MTF1: variants seen among roughly 807,000 people sequenced by gnomAD.
The protein encoded by MTF1 is MRE-binding transcription factor.
In MTF1, 22 loss-of-function variants were observed where a neutral mutation model predicts 70.4. That is an observed-to-expected ratio of 0.31 (90% confidence interval 0.22 to 0.45). MTF1 has a LOEUF of 0.45. Among genes scored for constraint, MTF1 ranks in the 20% least tolerant of loss-of-function variants. The pLI, the probability that MTF1 is intolerant of heterozygous loss-of-function variation, is 1.00. For missense variants in MTF1, 649 were observed against 922.0 expected (o/e 0.70, Z 3.83); for synonymous variants, 333 against 352.8 (o/e 0.94, Z 0.63).
intron 9 of MTF1, among the ~76,000 whole-genome samples, chr1:37,820,047 A>C (rs936363513): frequency 6.7e-5 from 10 of 150,314 alleles, no homozygotes; most frequent in Admixed American, 1.3e-4. Context: ...TCAGCACCCC[A>C]GGACAGGGCC....
chr1:37,848,434 T>C (rs1427232117), intron 2 of MTF1, among the ~76,000 whole-genome samples: 1 of 152,200 alleles, frequency 6.6e-6, no homozygotes, highest in Admixed American at 6.5e-5. Context: ...GTTGAAACTA[T>C]CCCTTTGCAC....
intron 7 of MTF1, chr1:37,828,079 C>T: frequency 3.0e-6 from 1 of 334,320 alleles, no homozygotes; most frequent in South Asian, 2.4e-5. Context: ...TGACCTGTAA[C>T]TGTATGTAAT....
chr1:37,849,429 T>TA (rs770838483), intron 2 of MTF1, among the ~76,000 whole-genome samples: 2,448 of 140,820 alleles, frequency 0.017, 21 homozygotes, highest in Middle Eastern at 0.054. Flanking sequence ...TCACCTCAAT[T>TA]AAAAAAAAAA....
At chr1:37,838,492 C>T in intron 4 of MTF1, 133 bp downstream of exon 4, 1 of 659,326 alleles carries the variant, frequency 1.5e-6, no homozygotes. Context: ...TTATAGCTGT[C>T]CTGGGGTGAG....
chr1:37,832,423 A>G (rs1440768426), intron 6 of MTF1, 101 bp from the exon 7 acceptor site: 3 of 710,648 alleles, frequency 4.2e-6, no homozygotes, highest in African/African-American at 3.6e-5. Context: ...AATGTTCCAC[A>G]TGTCTACATG....
chr1:37,825,780 T>G (rs1353109346), intron 7 of MTF1, among the ~76,000 whole-genome samples: 2 of 152,232 alleles, frequency 1.3e-5, no homozygotes, highest in African/African-American at 4.8e-5. Flanking sequence ...AAATAGTAAA[T>G]TTATTTCCTC....
intron 7 of MTF1, among the ~76,000 whole-genome samples, chr1:37,826,985 A>G (rs976680971): frequency 3.9e-5 from 6 of 152,130 alleles, no homozygotes; most frequent in Admixed American, 1.3e-4. Flanking sequence ...TCTCAAATCT[A>G]TGTGGGACAA....
intron 2 of MTF1, among the ~76,000 whole-genome samples, chr1:37,849,050 G>T (rs969168519): frequency 2.6e-5 from 4 of 152,148 alleles, no homozygotes; most frequent in African/African-American, 4.8e-5. Context: ...CACACTAAAA[G>T]AAATAACTCT....
chr1:37,844,009 T>C (rs111920109), intron 2 of MTF1, among the ~76,000 whole-genome samples: 2,672 of 152,340 alleles, frequency 0.018, 65 homozygotes, highest in African/African-American at 0.05. Context: ...GAATTCCTTA[T>C]TGAATCACTA....
chr1:37,822,435 A>C lies in MTF1; in HGVS notation c.1453T>G (p.Phe485Val). 1 of 1,613,888 alleles carries C rather than the reference A, an allele frequency of 6.2e-7. No homozygotes were observed. Among genetic ancestry groups the C allele is most frequent in the South Asian group, 1.1e-5 (1 of 91,068 alleles). ...STQFAANHQE[F>V]LPHPQAPQPI... ...TGCGGTGCCTGGGGGTGCGGAAGAA[A>C]CTCTTGATGATTAGCAGCAAACTGT... Residue 485 changes from phenylalanine to valine, a missense_variant, in exon 9 of 11, where the codon TTT becomes GTT. Physicochemically the swap from Phe to Val is conservative, Grantham distance 50. Coordinates refer to ENST00000373036, the MANE Select transcript of MTF1 (RefSeq NM_005955.3).
At position 37,815,445 on chromosome 1, in the gene MTF1, C is replaced by T. The variant is rs1640801487; in HGVS notation, c.1953G>A (p.Lys651=). ...CTGGAGGGGGTGGGGAGGAGCAGCC[C>T]TTTCTCCTGCTGGATGCCCGCTCCT... ...SAKERASSRR[K]GCSSPPPPEP... The change falls in exon 11 of 11, where the codon AAG becomes AAA. Residue 651 remains lysine (K), a synonymous_variant. Coordinates refer to ENST00000373036, the MANE Select transcript of MTF1 (RefSeq NM_005955.3). The surrounding 1 kb of genome is among the most constrained non-coding windows in gnomAD (Gnocchi z 4.5). 4 of 1,609,832 alleles carry T rather than the reference C, an allele frequency of 2.5e-6. No homozygotes were observed. The highest frequency in any genetic ancestry group is 3.4e-6 in the Non-Finnish European group (4 of 1,177,678).
At position 37,857,392 on chromosome 1, in the gene MTF1, C is replaced by T. The variant is rs756300270; in HGVS notation, c.267G>A (p.Met89Ile). The T allele has an allele frequency of 1.2e-6, 2 of 1,614,188 alleles. No individual in the cohort carries two copies. The highest frequency in any genetic ancestry group is 1.1e-5 in the South Asian group (1 of 91,088). Residue 89 changes from methionine to isoleucine, a missense_variant, in exon 2 of 11, where the codon ATG becomes ATA. By Grantham distance (10) the Met-to-Ile change is conservative. Coordinates refer to ENST00000373036, the MANE Select transcript of MTF1 (RefSeq NM_005955.3). ...EGFHLIDHEA[M>I]SQGYVQHIIS... is the part of the protein sequence containing the mutation. ...TAATGTGCTGCACATAACCCTGGGACATTGCTTCATGATCTATCAGGTGAA... is the reference window on the plus strand; with the variant it reads ...TAATGTGCTGCACATAACCCTGGGATATTGCTTCATGATCTATCAGGTGAA...
At position 37,815,471 on chromosome 1, in the gene MTF1, TTGCAGAGTCCCGGCA is replaced by T; in HGVS notation, c.1912_1926del (p.Cys638_Ala642del). ...TTTCTCCTGCTGGATGCCCGCTCCT[TTGCAGAGTCCCGGCA>T]TGCACACTGACACTGACATGCCTCT... On this transcript the variant is annotated inframe_deletion, in exon 11 of 11. Coordinates refer to ENST00000373036, the MANE Select transcript of MTF1 (RefSeq NM_005955.3). This position sits in a 1 kb window ranked among gnomAD's most constrained non-coding sequence, Gnocchi z 4.5. 6.2e-7 allele frequency: 1 copy of T among 1,600,928 alleles called. No homozygotes were observed. Among genetic ancestry groups the T allele is most frequent in the South Asian group, 1.1e-5 (1 of 89,284 alleles).
chr1:37,832,850 C>G (rs1217199450), intron 6 of MTF1, among the ~76,000 whole-genome samples: 1 of 151,688 alleles, frequency 6.6e-6, no homozygotes, highest in Admixed American at 6.6e-5. Context: ...ACTAAAAATA[C>G]AAAAAATTAG....
At chr1:37,856,417 GC>G (rs1159357118) in intron 2 of MTF1, among the ~76,000 whole-genome samples, 2 of 150,532 alleles carry the variant, frequency 1.3e-5, no homozygotes, top group Non-Finnish European at 3.0e-5. Context: ...TGATCCACCT[GC>G]CTCGGCCTCC....
intron 9 of MTF1, among the ~76,000 whole-genome samples, chr1:37,821,008 G>A (rs60352999): frequency 2.6e-5 from 4 of 152,116 alleles, no homozygotes; most frequent in South Asian, 4.2e-4. Context: ...GCGAAACCCC[G>A]TCTCTACAAA....
At chr1:37,835,354 C>T in intron 5 of MTF1, 139 bp from the exon 6 acceptor site, 1 of 714,640 alleles carries the variant, frequency 1.4e-6, no homozygotes, top group Non-Finnish European at 2.4e-6. Context: ...ATAAATTACA[C>T]ATTAATCATC....
At chr1:37,824,739 T>C (rs1640975455) in intron 7 of MTF1, among the ~76,000 whole-genome samples, 1 of 152,156 alleles carries the variant, frequency 6.6e-6, no homozygotes, top group Admixed American at 6.5e-5. Context: ...CCCTGCAACT[T>C]GCTTTCCTCA....
Position 37,838,626 on chromosome 1 carries a change from G to A in MTF1, c.778C>T (p.Arg260Trp), listed in dbSNP as rs1641206067. ...IRTHTGEKPF[R>W]CDHDGCGKAF... ...CAAATAGAAAACAGTAAGACCTACCGAAATGGCTTTTCCCCTGTATGAGTT... is the reference window on the plus strand; with the variant it reads ...CAAATAGAAAACAGTAAGACCTACCAAAATGGCTTTTCCCCTGTATGAGTT... The change falls in exon 4 of 11, where the codon CGG (arginine) becomes TGG (tryptophan). Residue 260 changes from arginine to tryptophan, a missense_variant and splice_region_variant. Coordinates refer to ENST00000373036, the MANE Select transcript of MTF1 (RefSeq NM_005955.3). 1.2e-6 allele frequency: 2 copies of A among 1,610,836 alleles called. No individual in the cohort carries two copies. The highest frequency in any genetic ancestry group is 1.7e-6 in the Non-Finnish European group (2 of 1,177,908).
Sources: allele counts gnomAD v4.1 joint callset (sites outside exome capture counted in the v4.1 genomes callset), GRCh38; gene constraint gnomAD v4.1.1; non-coding constraint Gnocchi (gnomAD v3.1); transcripts MANE v1.5; gene names NCBI Gene and HGNC (gene_info 2026-07-23, HGNC 2026-07-21).